The following SEC24D variants were observed in gnomAD, a reference collection of about 807,000 sequenced individuals.
SEC24D encodes protein transport protein Sec24D.
SEC24D carries 69 observed loss-of-function variants against 116.9 expected under a neutral mutation model. The ratio of observed to expected loss-of-function variants is 0.59; its 90% confidence interval spans 0.49 to 0.72. SEC24D has a LOEUF of 0.72. SEC24D is among the 30% of genes least tolerant of loss of function. The pLI is 0.00. For synonymous variants in SEC24D, 405 were observed against 442.8 expected (o/e 0.91, Z 1.07); for missense variants, 1,131 against 1,264.1 (o/e 0.89, Z 1.60).
chr4:118,791,038 C>T (rs904359944), intron 8 of SEC24D, among the ~76,000 whole-genome samples: 3 of 151,562 alleles, frequency 2.0e-5, no homozygotes, highest in African/African-American at 7.3e-5. Context: ...CTGTTATTTC[C>T]TTGATTAGAG....
chr4:118,768,158 A>C lies in SEC24D; in HGVS notation c.1180+15T>G, dbSNP rs1727725559. On this transcript the variant is annotated intron_variant, in intron 9 of 22. Transcript: ENST00000280551. ...ATAAAGAATTTCACAAAGAGCTTTT[A>C]ATGGCACTGCTTACCATCATTCACA... The C allele has an allele frequency of 1.2e-6, 2 of 1,603,240 alleles. No individual in the cohort carries two copies. The highest frequency in any genetic ancestry group is 2.2e-5 in the South Asian group (2 of 89,234).
intron 2 of SEC24D, among the ~76,000 whole-genome samples, chr4:118,829,063 C>T (rs1416699241): frequency 6.6e-6 from 1 of 152,220 alleles, no homozygotes; most frequent in East Asian, 1.9e-4. Flanking sequence ...TCCATACCAC[C>T]CTCTACTTCC....
At chr4:118,741,646 A>G (rs1158555257) in intron 15 of SEC24D, among the ~76,000 whole-genome samples, 1 of 152,134 alleles carries the variant, frequency 6.6e-6, no homozygotes, top group African/African-American at 2.4e-5. Flanking sequence ...TGTCAGTGAA[A>G]CTCTTTAGGA....
At chr4:118,747,320 G>A (rs2110450342) in intron 13 of SEC24D, among the ~76,000 whole-genome samples, 2 of 145,238 alleles carry the variant, frequency 1.4e-5, no homozygotes, top group East Asian at 4.1e-4. Context: ...AGGGTGGAGT[G>A]CAATGGTGTG....
chr4:118,799,793 T>C (rs547358540), intron 7 of SEC24D, among the ~76,000 whole-genome samples: 12 of 152,238 alleles, frequency 7.9e-5, no homozygotes, highest in Non-Finnish European at 7.4e-5. Context: ...AAAAATCTGC[T>C]CAGAGTGAGT....
At chr4:118,777,593 C>A (rs1004376165) in intron 8 of SEC24D, among the ~76,000 whole-genome samples, 2 of 152,140 alleles carry the variant, frequency 1.3e-5, no homozygotes, top group Non-Finnish European at 2.9e-5. Context: ...GTCTTTATAG[C>A]AGCATGATTT....
intron 8 of SEC24D, among the ~76,000 whole-genome samples, chr4:118,786,726 G>A (rs966817568): frequency 3.3e-5 from 5 of 152,074 alleles, no homozygotes; most frequent in Admixed American, 1.3e-4. Flanking sequence ...ACAGTTCCTC[G>A]TCTGTGGTGG....
intron 8 of SEC24D, among the ~76,000 whole-genome samples, chr4:118,774,576 C>T (rs1002318269): frequency 1.3e-5 from 2 of 152,114 alleles, no homozygotes; most frequent in Non-Finnish European, 1.5e-5. Flanking sequence ...TTTATTCCAG[C>T]TATTTATCTC....
rs1726109892 is a variant in SEC24D at position 118,739,169 on chromosome 4, A to G, written c.2357T>C (p.Ile786Thr). 1.9e-6 allele frequency: 3 copies of G among 1,613,474 alleles called. No homozygotes were observed. Among genetic ancestry groups the G allele is most frequent in the East Asian group, 2.2e-5 (1 of 44,874 alleles). ...GTTACCTGACTTGGCAAAGAAGTTG[A>G]TAAGAGCATCTGTCTCACAGCTCTT... Reference protein sequence around the residue: ...LYKSCETDALINFFAKSAFKA... With the variant: ...LYKSCETDALTNFFAKSAFKA... Residue 786 changes from isoleucine (I) to threonine (T), a missense_variant, in exon 18 of 23, where the codon ATC becomes ACC. Transcript: ENST00000280551.
intron 4 of SEC24D, 71 bp from the exon 5 acceptor site, chr4:118,815,797 G>C: frequency 5.3e-6 from 8 of 1,507,850 alleles, no homozygotes; most frequent in Non-Finnish European, 7.2e-6. Flanking sequence ...CAAAGTACAT[G>C]ACAGAGATGT....
At chr4:118,731,057 A>G (rs1725660973) in intron 21 of SEC24D, 1 of 436,904 alleles carries the variant, frequency 2.3e-6, no homozygotes, top group African/African-American at 2.0e-5. Context: ...TAGAGTACAG[A>G]GACTGGCACA....
intron 17 of SEC24D, among the ~76,000 whole-genome samples, chr4:118,739,869 G>A (rs1421147488): frequency 1.3e-5 from 2 of 152,078 alleles, no homozygotes; most frequent in Non-Finnish European, 2.9e-5. Context: ...ATATCTAGTG[G>A]TCATAGTTTT....
chr4:118,821,007 T>A (rs539738193), intron 3 of SEC24D, among the ~76,000 whole-genome samples: 15 of 152,298 alleles, frequency 9.8e-5, no homozygotes, highest in African/African-American at 3.4e-4. Flanking sequence ...TATTCAAGTT[T>A]GCAATAAATT....
chr4:118,777,723 A>G (rs1728207304), intron 8 of SEC24D, among the ~76,000 whole-genome samples: 1 of 152,222 alleles, frequency 6.6e-6, no homozygotes, highest in Non-Finnish European at 1.5e-5. Flanking sequence ...TTACACTCCC[A>G]CCAACAGTGT....
intron 8 of SEC24D, among the ~76,000 whole-genome samples, chr4:118,796,058 A>G (rs1317764947): frequency 6.6e-6 from 1 of 152,242 alleles, no homozygotes; most frequent in Non-Finnish European, 1.5e-5. Context: ...AGAATAAAAA[A>G]GATGGGTTGA....
intron 3 of SEC24D, among the ~76,000 whole-genome samples, chr4:118,818,898 C>T (rs1730270432): frequency 6.6e-6 from 1 of 152,172 alleles, no homozygotes; most frequent in African/African-American, 2.4e-5. Flanking sequence ...ACAAAACTAT[C>T]CAATTTCTCT....
chr4:118,802,240 A>C (rs1729473948), intron 7 of SEC24D, among the ~76,000 whole-genome samples: 1 of 152,240 alleles, frequency 6.6e-6, no homozygotes, highest in African/African-American at 2.4e-5. Flanking sequence ...TGGAATCTTA[A>C]AATAAGATCC....
chr4:118,810,074 CTGTGTGTG>C (rs71595321), intron 6 of SEC24D, among the ~76,000 whole-genome samples: 433 of 38,582 alleles, frequency 0.011, 2 homozygotes, highest in South Asian at 0.013. Context: ...TCAGAGGTAG[CTGTGTGTG>C]TGTGTGTGTG....
intron 8 of SEC24D, among the ~76,000 whole-genome samples, chr4:118,790,108 A>T (rs1424691329): frequency 6.6e-6 from 1 of 152,218 alleles, no homozygotes; most frequent in Non-Finnish European, 1.5e-5. Context: ...AAAGTTCAGC[A>T]GAGTTCCTAG....
Sources: allele counts gnomAD v4.1 joint callset (sites outside exome capture counted in the v4.1 genomes callset), GRCh38; gene constraint gnomAD v4.1.1; transcripts MANE v1.5; gene names NCBI Gene and HGNC (gene_info 2026-07-23, HGNC 2026-07-21).